Variants in WASHC5 observed in about 807,000 individuals in gnomAD.
The protein encoded by WASHC5 is WASH complex subunit 5, also known as WASH complex subunit strumpellin.
WASHC5 carries 101 observed loss-of-function variants against 150.4 expected under a neutral mutation model. The observed-to-expected ratio is 0.67, with a 90% CI of 0.57 to 0.79. The LOEUF is 0.79. WASHC5 is among the 30% of genes least tolerant of loss of function. The pLI, the probability that WASHC5 is intolerant of heterozygous loss-of-function variation, is 0.00. For missense variants in WASHC5, 1,195 were observed against 1,396.3 expected, an observed-to-expected ratio of 0.86 and a Z score of 2.30; for synonymous variants, 467 against 491.2, an observed-to-expected ratio of 0.95 and a Z score of 0.65.
intron 26 of WASHC5, among the ~76,000 whole-genome samples, chr8:125,036,784 C>T (rs1307922701): frequency 1.3e-5 from 2 of 151,992 alleles, no homozygotes; most frequent in Non-Finnish European, 2.9e-5. Context: ...CCAAGGTGGG[C>T]GGATCACCTG....
chr8:125,047,116 G>A lies in WASHC5; in HGVS notation c.2504+91C>T, dbSNP rs1021055237. ...ATGAGTTGACAAGTGCAGGACCCCC[G>A]TGACTGGAATAGGGGCTGTGCCACA... On this transcript the variant is annotated intron_variant, in intron 20 of 28. Coordinates refer to ENST00000318410, the MANE Select transcript of WASHC5 (RefSeq NM_014846.4). The A allele has an allele frequency of 6.7e-6, 10 of 1,503,514 alleles. No homozygotes were observed. The East Asian group carries it at 2.0e-4, about 31-fold the overall frequency. The allele number at this position is 1,503,514 out of a possible 1,614,324, so 93.1% of individuals were successfully genotyped here.
chr8:125,076,168 G>A (rs1019729834), intron 7 of WASHC5, among the ~76,000 whole-genome samples, 180 bp downstream of exon 7: 1 of 152,140 alleles, frequency 6.6e-6, no homozygotes, highest in African/African-American at 2.4e-5. Flanking sequence ...AAGTTTTACT[G>A]ACTCATTTAT....
chr8:125,081,797 G>A (rs1161643825), intron 4 of WASHC5, 36 bp from the exon 5 acceptor site: 1 of 1,186,922 alleles, frequency 8.4e-7, no homozygotes, highest in South Asian at 1.2e-5. Flanking sequence ...AAAATCACTA[G>A]ATTATACATT....
chr8:125,057,708 G>C (rs1366107244), intron 14 of WASHC5, 42 bp from the exon 15 acceptor site: 4 of 1,258,434 alleles, frequency 3.2e-6, no homozygotes, highest in East Asian at 4.6e-5. Context: ...GTTTCAAAAA[G>C]AGTCCTAGAA....
chr8:125,055,439 T>G (rs2130078644), intron 17 of WASHC5, 152 bp downstream of exon 17: 2 of 679,844 alleles, frequency 2.9e-6, no homozygotes, highest in East Asian at 5.5e-5. Context: ...AAAACTCAAC[T>G]AAAATAAAAT....
chr8:125,032,077 T>C (rs1032874007), intron 27 of WASHC5, among the ~76,000 whole-genome samples, 164 bp downstream of exon 27: 1 of 152,194 alleles, frequency 6.6e-6, no homozygotes, highest in African/African-American at 2.4e-5. Context: ...TGGACACACC[T>C]GTAATTGCTC....
chr8:125,056,737 C>T lies in WASHC5; in HGVS notation c.1956G>A (p.Val652=). 6.2e-7 allele frequency: 1 copy of T among 1,614,080 alleles called. No homozygotes were observed. Among genetic ancestry groups the T allele is most frequent in the Non-Finnish European group, 8.5e-7 (1 of 1,180,002 alleles). The change falls in exon 16 of 29, where the codon GTG becomes GTA. Residue 652 remains valine (V), a synonymous_variant. Transcript: ENST00000318410. ...IKLQTHDIIE[V]PTRLDKDKLR... ...GCTTGTCTTTGTCCAGGCGGGTAGG[C>T]ACTTCAATAATGTCGTGGGTCTGAA...
intron 19 of WASHC5, among the ~76,000 whole-genome samples, chr8:125,047,604 A>AT (rs1453720565): frequency 6.6e-6 from 1 of 151,864 alleles, no homozygotes; most frequent in Non-Finnish European, 1.5e-5. Flanking sequence ...TGCCCGGCTA[A>AT]TTTTTGTATT....
At chr8:125,054,441 G>A (rs1164721466) in intron 17 of WASHC5, among the ~76,000 whole-genome samples, 1 of 152,104 alleles carries the variant, frequency 6.6e-6, no homozygotes, top group Admixed American at 6.6e-5. Context: ...TGGTGCTATG[G>A]GTAATGGAAA....
chr8:125,087,232 T>C (rs150701933), intron 1 of WASHC5, among the ~76,000 whole-genome samples: 2 of 152,360 alleles, frequency 1.3e-5, no homozygotes, highest in East Asian at 1.9e-4. Context: ...TTTTGTATAA[T>C]AATGTCCATG....
At chr8:125,077,584 G>A (rs1005502092) in intron 6 of WASHC5, among the ~76,000 whole-genome samples, 2 of 152,206 alleles carry the variant, frequency 1.3e-5, no homozygotes, top group African/African-American at 4.8e-5. Flanking sequence ...GAAGCACATT[G>A]CCTTCAGAAG....
At chr8:125,082,015 A>G (rs1817279918) in intron 4 of WASHC5, among the ~76,000 whole-genome samples, 1 of 152,248 alleles carries the variant, frequency 6.6e-6, no homozygotes, top group Non-Finnish European at 1.5e-5. Flanking sequence ...TTGGGACACC[A>G]AAATAGCAAC....
intron 25 of WASHC5, among the ~76,000 whole-genome samples, chr8:125,038,258 A>C (rs1586339614): frequency 6.6e-6 from 1 of 152,232 alleles, no homozygotes; most frequent in Admixed American, 6.5e-5. Context: ...ACTATAATCA[A>C]AGTTACTATA....
chr8:125,039,961 G>T, intron 23 of WASHC5, 63 bp from the exon 24 acceptor site: 7 of 1,064,140 alleles, frequency 6.6e-6, no homozygotes, highest in Non-Finnish European at 1.0e-5. Context: ...ACAGTGAGGA[G>T]GTAAACACAA....
In WASHC5 at chr8:125,059,152, T is replaced by C; in HGVS notation, c.1764+70A>G. On this transcript the variant is annotated intron_variant, in intron 14 of 28. Transcript: ENST00000318410. ...TAAAAGGATAAAATCCTGGGCTGAA[T>C]TAATGAATGAGGTATGAATGAAGGC... 4 of 1,091,582 alleles carry C rather than the reference T, an allele frequency of 3.7e-6. No homozygotes were observed. In the South Asian group the frequency reaches 5.0e-5, roughly 14 times the overall value. The allele number at this position is 1,091,582 out of a possible 1,614,324, so 67.6% of individuals were successfully genotyped here. A position where few individuals can be genotyped will look rare whatever the true frequency, so the allele number is the denominator to read the frequency against.
At chr8:125,073,949 C>T (rs1026855459) in intron 8 of WASHC5, among the ~76,000 whole-genome samples, 13 of 152,170 alleles carry the variant, frequency 8.5e-5, no homozygotes, top group African/African-American at 3.1e-4. Flanking sequence ...ATACTGTTGA[C>T]AAAGAAGGCA....
At chr8:125,076,810 G>A (rs1355407671) in intron 6 of WASHC5, among the ~76,000 whole-genome samples, 2 of 140,024 alleles carry the variant, frequency 1.4e-5, no homozygotes, top group South Asian at 2.3e-4. Context: ...TATCTTTCCT[G>A]TTGGAGACAA....
chr8:125,035,602 C>T (rs1815680397), intron 26 of WASHC5, among the ~76,000 whole-genome samples: 1 of 152,220 alleles, frequency 6.6e-6, no homozygotes, highest in Non-Finnish European at 1.5e-5. Context: ...GCCAAAGTCA[C>T]ATAGGTGATA....
rs796837082 is a variant in WASHC5 at position 125,079,114 on chromosome 8, G to A, written c.519-184C>T. On this transcript the variant is annotated intron_variant, in intron 5 of 28. Coordinates refer to ENST00000318410, the MANE Select transcript of WASHC5 (RefSeq NM_014846.4). ...TATGTGTATATATATGTGTGTGTGT[G>A]TGTATATATATATATATATATATAT... Among the ~76,000 whole-genome samples, 5,832 of 71,098 alleles carry A rather than the reference G, an allele frequency of 0.082. 368 individuals carry two copies. Among genetic ancestry groups the A allele is most frequent in the African/African-American group, 0.23 (3,639 of 15,574 alleles). 46.6% of individuals were successfully genotyped at this position (71,098 alleles called of 152,430 possible).
Sources: allele counts gnomAD v4.1 joint callset (sites outside exome capture counted in the v4.1 genomes callset), GRCh38; gene constraint gnomAD v4.1.1; transcripts MANE v1.5; gene names NCBI Gene and HGNC (gene_info 2026-07-23, HGNC 2026-07-21).